The following CMYA5 variants were observed in gnomAD, a reference collection of about 807,000 sequenced individuals.
CMYA5 encodes cardiomyopathy associated 5, also known as cardiomyopathy-associated protein 5.
CMYA5 carries 246 observed loss-of-function variants against 318.9 expected under a neutral mutation model. The observed-to-expected ratio is 0.77, with a 90% CI of 0.70 to 0.86. CMYA5 has a LOEUF of 0.86. Among genes scored for constraint, CMYA5 ranks in the 40% least tolerant of loss-of-function variants. The pLI, the probability that CMYA5 is intolerant of heterozygous loss-of-function variation, is 0.00. For missense variants in CMYA5, 4,589 were observed against 4,678.2 expected, an observed-to-expected ratio of 0.98 and a Z score of 0.56; for synonymous variants, 1,641 against 1,729.5, an observed-to-expected ratio of 0.95 and a Z score of 1.27.
chr5:79,769,636 G>C (rs569944252), intron 9 of CMYA5, among the ~76,000 whole-genome samples: 2 of 152,164 alleles, frequency 1.3e-5, no homozygotes, highest in East Asian at 1.9e-4. Context: ...AGAGGCTGCA[G>C]AACAGCAAAG....
rs1044016698 is a variant in CMYA5, at chr5:79,729,551, G to A, written c.786G>A (p.Gly262=). ...TTAAAGAAATACATTATAGGAAAGG[G>A]AAAGATGCATCCATTAGTCTAGAGC... ...YVIKEIHYRK[G]KDASISLEPD... is the part of the protein sequence containing the mutation. The change falls in exon 2 of 13, where the codon GGG becomes GGA. Residue 262 remains glycine (G), a synonymous_variant. Coordinates refer to ENST00000446378, the MANE Select transcript of CMYA5 (RefSeq NM_153610.5). The A allele has an allele frequency of 1.9e-6, 3 of 1,613,376 alleles. No homozygotes were observed. The highest frequency in any genetic ancestry group is 2.5e-6 in the Non-Finnish European group (3 of 1,179,444).
chr5:79,708,388 G>A (rs532023907), intron 1 of CMYA5, among the ~76,000 whole-genome samples: 5 of 152,152 alleles, frequency 3.3e-5, no homozygotes, highest in African/African-American at 7.2e-5. Flanking sequence ...TTGGGAGGCC[G>A]AGGCAGGCAG....
In CMYA5 at chr5:79,736,396, A is replaced by G; in HGVS notation, c.7631A>G (p.Gln2544Arg). The stretch of plus-strand genomic sequence containing the variant: ...GAGAAAGGTGAAGAAAAAGAAAATC[A>G]GGTATATGTGCTTTCAGAAGGAAAG... ...EKEKGEEKEN[Q>R]VYVLSEGKKQ... Residue 2544 changes from glutamine to arginine, a missense_variant, in exon 2 of 13, where the codon CAG becomes CGG. By Grantham distance (43) the Gln-to-Arg change is conservative. Coordinates refer to ENST00000446378, the MANE Select transcript of CMYA5 (RefSeq NM_153610.5). 1 of 1,611,324 alleles carries G rather than the reference A, an allele frequency of 6.2e-7. No individual in the cohort carries two copies. The highest frequency in any genetic ancestry group is 8.5e-7 in the Non-Finnish European group (1 of 1,178,516).
chr5:79,799,828 C>T lies in CMYA5; in HGVS notation c.*212C>T, dbSNP rs1379091450. 2.4e-5 allele frequency: 11 copies of T among 461,694 alleles called. No individual in the cohort carries two copies. The highest frequency in any genetic ancestry group is 4.1e-5 in the Non-Finnish European group (11 of 266,200). The allele number at this position is 461,694 out of a possible 1,614,324, so 28.6% of individuals were successfully genotyped here. A position where few individuals can be genotyped will look rare whatever the true frequency, so the allele number is the denominator to read the frequency against. ...GAGTAAACAGAATGAAAACAACAAC[C>T]TCCACTCTTTAGTTTATATAAGTTT... On this transcript the variant is annotated 3_prime_UTR_variant, in exon 13 of 13. Transcript: ENST00000446378.
At chr5:79,793,707 A>G (rs557761238) in intron 12 of CMYA5, 97 bp downstream of exon 12, 2 of 1,075,608 alleles carry the variant, frequency 1.9e-6, no homozygotes, top group South Asian at 3.4e-5. Context: ...ACCCACTTCC[A>G]TGCTCAACTT....
In CMYA5 at chr5:79,730,580, C is replaced by T. The variant is rs763330047; in HGVS notation, c.1815C>T (p.Asn605=). 1 of 1,614,002 alleles carries T rather than the reference C, an allele frequency of 6.2e-7. No individual in the cohort carries two copies. Among genetic ancestry groups the T allele is most frequent in the Non-Finnish European group, 8.5e-7 (1 of 1,179,886 alleles). ...VSEYSVPQDL[N]HELQEQEGEP... is the part of the protein sequence containing the mutation. ...AGTATTCAGTACCACAGGATTTGAA[C>T]CATGAATTACAGGAGCAAGAAGGTG... Residue 605 remains asparagine (N), a synonymous_variant, in exon 2 of 13, where the codon AAC becomes AAT. Coordinates refer to ENST00000446378, the MANE Select transcript of CMYA5 (RefSeq NM_153610.5).
Position 79,733,155 on chromosome 5 carries a change from G to A in CMYA5, c.4390G>A (p.Glu1464Lys). The change falls in exon 2 of 13, where the codon GAA (glutamate) becomes AAA (lysine). Residue 1464 changes from glutamate to lysine, a missense_variant. Physicochemically the swap from Glu to Lys is moderately conservative, Grantham distance 56. This residue lies in a region of CMYA5 where 2,132 missense variants were observed against 2,131.3 expected (regional missense o/e 1.00). Coordinates refer to ENST00000446378, the MANE Select transcript of CMYA5 (RefSeq NM_153610.5). The stretch of plus-strand genomic sequence containing the variant: ...AGAGCATTCTGTTTTGTCAGAAGTA[G>A]AAGCCAAAGAAGTTAAAGCTGGGTT... ...IAEHSVLSEV[E>K]AKEVKAGLPV... is the part of the protein sequence containing the mutation. 6.2e-7 allele frequency: 1 copy of A among 1,613,828 alleles called. No homozygotes were observed.
At chr5:79,787,884 A>G (rs1187608508) in intron 9 of CMYA5, among the ~76,000 whole-genome samples, 2 of 152,182 alleles carry the variant, frequency 1.3e-5, no homozygotes, top group Non-Finnish European at 2.9e-5. Flanking sequence ...GTTATTCTCT[A>G]AGACAGGTAT....
At chr5:79,753,410 G>A (rs1828468999) in intron 6 of CMYA5, among the ~76,000 whole-genome samples, 1 of 152,118 alleles carries the variant, frequency 6.6e-6, no homozygotes, top group Non-Finnish European at 1.5e-5. Context: ...ATGTTTCAGT[G>A]AAGTTACCAA....
At chr5:79,740,760 A>G (rs183883459) in intron 2 of CMYA5, among the ~76,000 whole-genome samples, 1 of 152,310 alleles carries the variant, frequency 6.6e-6, no homozygotes, top group Non-Finnish European at 1.5e-5. Flanking sequence ...TGGTCTCACC[A>G]TTCTCACCTC....
intron 2 of CMYA5, among the ~76,000 whole-genome samples, chr5:79,742,047 C>G (rs1473815939): frequency 1.7e-5 from 1 of 59,378 alleles, no homozygotes; most frequent in Non-Finnish European, 2.9e-5. Context: ...CCCTCTTTCT[C>G]CTCTTCTTCT....
intron 1 of CMYA5, among the ~76,000 whole-genome samples, chr5:79,726,278 C>T (rs1827747276): frequency 6.6e-6 from 1 of 152,188 alleles, no homozygotes; most frequent in South Asian, 2.1e-4. Context: ...AATGCTTCTA[C>T]ATTCATGGGC....
At chr5:79,746,236 G>T (rs996346273) in intron 4 of CMYA5, among the ~76,000 whole-genome samples, 2 of 152,148 alleles carry the variant, frequency 1.3e-5, no homozygotes, top group Non-Finnish European at 2.9e-5. Context: ...CCCTTTCAAA[G>T]TTCCCCATCC....
intron 1 of CMYA5, among the ~76,000 whole-genome samples, chr5:79,727,435 G>A (rs75246544): frequency 0.027 from 4,088 of 152,290 alleles, 183 homozygotes; most frequent in African/African-American, 0.092. Context: ...GATAAAAACA[G>A]TTTACGAAGG....
chr5:79,788,687 AT>A (rs1297432662), intron 9 of CMYA5, among the ~76,000 whole-genome samples: 3 of 152,104 alleles, frequency 2.0e-5, no homozygotes, highest in Non-Finnish European at 4.4e-5. Flanking sequence ...ATTCTTGGAG[AT>A]TCACTAACCA....
chr5:79,799,589 GC>G lies in CMYA5; in HGVS notation c.12188del (p.Pro4063ArgfsTer4). Reference protein sequence around the residue: ...GKCTLHLGIEPPDSVRHK With the variant: ...GKCTLHLGIEXPDSVRHK ...AATGTACTTTGCACCTGGGGATAGA[GC>G]CCCCGGATTCTGTAAGGCACAAGTG... On this transcript the variant is annotated frameshift_variant, in exon 13 of 13. Transcript: ENST00000446378. LOFTEE classifies it high-confidence loss of function. 1 of 1,613,318 alleles carries G rather than the reference GC, an allele frequency of 6.2e-7. No homozygotes were observed. The highest frequency in any genetic ancestry group is 8.5e-7 in the Non-Finnish European group (1 of 1,179,534).
intron 1 of CMYA5, among the ~76,000 whole-genome samples, chr5:79,700,347 G>A (rs774008138): frequency 9.3e-5 from 14 of 150,116 alleles, no homozygotes; most frequent in Non-Finnish European, 1.3e-4. Context: ...CAGAATCTTC[G>A]CCAGTTAGTT....
chr5:79,774,366 A>G (rs969417468), intron 9 of CMYA5: 3 of 152,148 alleles, frequency 2.0e-5, no homozygotes, highest in African/African-American at 7.2e-5. Context: ...TTTTCTTTGA[A>G]TGCTCTCCTC....
rs150118847 is a variant in CMYA5, at chr5:79,776,513, C to G, written c.11556-12458C>G. Among the ~76,000 whole-genome samples, 573 of 152,182 alleles carry G rather than the reference C, an allele frequency of 3.8e-3. 4 individuals carry two copies. The highest frequency in any genetic ancestry group is 0.013 in the African/African-American group (541 of 41,504). On this transcript the variant is annotated intron_variant, in intron 9 of 12. Coordinates refer to ENST00000446378, the MANE Select transcript of CMYA5 (RefSeq NM_153610.5). ...TTTTTCCTTCCCACCCCTTCTTACC[C>G]CGCATTATCTTATGATTATTTTTCC...
Sources: allele counts gnomAD v4.1 joint callset (sites outside exome capture counted in the v4.1 genomes callset), GRCh38; gene constraint gnomAD v4.1.1; regional missense constraint gnomAD v4.1.1; transcripts MANE v1.5; gene names NCBI Gene and HGNC (gene_info 2026-07-23, HGNC 2026-07-21).